Variants in TMEM26 observed in about 807,000 individuals in gnomAD.
TMEM26 encodes transmembrane protein 26.
In TMEM26, 38 loss-of-function variants were observed where a neutral mutation model predicts 28.8. That is an observed-to-expected ratio of 1.32 (90% CI 1.02 to 1.73). The LOEUF is 1.73. TMEM26 is among the 40% of genes most tolerant of loss of function. The pLI, the probability that TMEM26 is intolerant of heterozygous loss-of-function variation, is 0.00. For synonymous variants in TMEM26, 227 were observed against 182.9 expected, an observed-to-expected ratio of 1.24 and a Z score of -1.95; for missense variants, 518 against 447.1, an observed-to-expected ratio of 1.16 and a Z score of -1.43.
rs185882745 is a variant in TMEM26, at chr10:61,410,631, G to T, written c.798C>A (p.Gly266=). 1 of 1,614,104 alleles carries T rather than the reference G, an allele frequency of 6.2e-7. No homozygotes were observed. The highest frequency in any genetic ancestry group is 1.1e-5 in the South Asian group (1 of 91,080). Residue 266 remains glycine, a synonymous_variant, in exon 6 of 6, where the codon GGC becomes GGA. Coordinates refer to ENST00000399298, the MANE Select transcript of TMEM26 (RefSeq NM_178505.8). ...NIGISVFIQD[G]PFLVVRLILM... is the part of the protein sequence containing the mutation. The stretch of plus-strand genomic sequence containing the variant: ...GTATGAGACGCACGACAAGGAAGGG[G>T]CCATCTTGTATGAAGACGCTGATTC...
chr10:61,445,873 G>T (rs1353886481), intron 1 of TMEM26, among the ~76,000 whole-genome samples: 2 of 152,112 alleles, frequency 1.3e-5, no homozygotes, highest in Admixed American at 1.3e-4. Context: ...GATTTGTCCT[G>T]ATGCTGTATG....
chr10:61,451,320 G>A (rs890804014), intron 1 of TMEM26, among the ~76,000 whole-genome samples: 4 of 152,162 alleles, frequency 2.6e-5, no homozygotes, highest in African/African-American at 9.7e-5. Context: ...AAGGCCTCTG[G>A]TCTACTCTTG....
chr10:61,433,310 A>C (rs760155589), intron 2 of TMEM26, among the ~76,000 whole-genome samples: 1 of 151,924 alleles, frequency 6.6e-6, no homozygotes, highest in Non-Finnish European at 1.5e-5. Context: ...AAGTGACTTC[A>C]CTCTTAAAAC....
At chr10:61,410,817 C>T (rs1839558325) in intron 5 of TMEM26, 71 bp from the exon 6 acceptor site, 7 of 1,463,658 alleles carry the variant, frequency 4.8e-6, no homozygotes, top group African/African-American at 1.4e-5. Context: ...GCCATGGGGA[C>T]GAGTCATTAA....
chr10:61,439,695 G>T (rs187455497), intron 1 of TMEM26, among the ~76,000 whole-genome samples: 1 of 152,248 alleles, frequency 6.6e-6, no homozygotes, highest in African/African-American at 2.4e-5. Flanking sequence ...TCTGTAAAAT[G>T]GGGAAAATAA....
chr10:61,440,737 G>T (rs1011546099), intron 1 of TMEM26, among the ~76,000 whole-genome samples: 3 of 152,086 alleles, frequency 2.0e-5, no homozygotes, highest in African/African-American at 7.2e-5. Flanking sequence ...ATGTGCATAT[G>T]TATATGTGTG....
rs1840323469 is a variant in TMEM26 at position 61,453,203 on chromosome 10, C to G, written c.-122G>C. ...ACTGAGACCTGCTGCTGCTTGTGGT[C>G]CCTTCTCACCCTCAGCGCCCGATGC... On this transcript the variant is annotated 5_prime_UTR_variant, in exon 1 of 6. Coordinates refer to ENST00000399298, the MANE Select transcript of TMEM26 (RefSeq NM_178505.8). 2.0e-6 allele frequency: 2 copies of G among 997,856 alleles called. No homozygotes were observed. Among genetic ancestry groups the G allele is most frequent in the South Asian group, 3.2e-5 (2 of 62,412 alleles). The allele number at this position is 997,856 out of a possible 1,614,324, so 61.8% of individuals were successfully genotyped here. A position where few individuals can be genotyped will look rare whatever the true frequency, so the allele number is the denominator to read the frequency against.
intron 4 of TMEM26, among the ~76,000 whole-genome samples, chr10:61,417,046 T>C (rs1434956116): frequency 1.3e-5 from 2 of 152,016 alleles, no homozygotes; most frequent in East Asian, 3.9e-4. Context: ...AAATATGAAT[T>C]ATTAGATCAG....
intron 4 of TMEM26, among the ~76,000 whole-genome samples, chr10:61,422,002 G>C: frequency 6.6e-6 from 1 of 152,026 alleles, no homozygotes; most frequent in Non-Finnish European, 1.5e-5. Flanking sequence ...ACATAAGAAA[G>C]CTGGAGTGCC....
At chr10:61,429,231 A>C in intron 3 of TMEM26, 85 bp from the exon 4 acceptor site, 2 of 1,193,056 alleles carry the variant, frequency 1.7e-6, no homozygotes, top group South Asian at 2.7e-5. Flanking sequence ...TTCAATCAAG[A>C]GTTTGCTTTT....
intron 4 of TMEM26, among the ~76,000 whole-genome samples, chr10:61,423,121 A>C (rs1454589027): frequency 6.6e-6 from 1 of 152,200 alleles, no homozygotes; most frequent in Non-Finnish European, 1.5e-5. Context: ...ATTCCTAGAA[A>C]GGAAAATGTA....
intron 2 of TMEM26, among the ~76,000 whole-genome samples, chr10:61,433,099 C>T (rs540660822): frequency 3.3e-5 from 5 of 152,244 alleles, no homozygotes; most frequent in Middle Eastern, 3.4e-3. Context: ...ATTCTTACCA[C>T]TAAAATACTT....
intron 2 of TMEM26, among the ~76,000 whole-genome samples, chr10:61,435,234 T>A (rs1839984347): frequency 6.6e-6 from 1 of 152,124 alleles, no homozygotes. Flanking sequence ...CAGGCTGGAG[T>A]GCAGTGGTAC....
intron 1 of TMEM26, among the ~76,000 whole-genome samples, chr10:61,449,641 G>A (rs370814061): frequency 2.6e-4 from 40 of 152,208 alleles, no homozygotes; most frequent in African/African-American, 9.4e-4. Context: ...TAGTCCAAAG[G>A]AAGTTCATGG....
intron 2 of TMEM26, among the ~76,000 whole-genome samples, chr10:61,435,658 T>A (rs771233432): frequency 6.6e-6 from 1 of 152,226 alleles, no homozygotes; most frequent in Non-Finnish European, 1.5e-5. Flanking sequence ...GTAATCTGCA[T>A]AACCTGCATT....
In TMEM26 at chr10:61,429,096, T is replaced by A. The variant is rs375782533; in HGVS notation, c.435A>T (p.Thr145=). The change falls in exon 4 of 6, where the codon ACA becomes ACT. Residue 145 remains threonine (T), a synonymous_variant. Transcript: ENST00000399298. The part of the protein sequence containing the change: ...NLSTVCEKVW[T]LGLHQTFLLM... Reference sequence around the variant, plus strand: ...ACAGGAATGTCTGATGGAGTCCCAATGTCCAAACTTTCTCACATACTGTAG... The same window carrying A: ...ACAGGAATGTCTGATGGAGTCCCAAAGTCCAAACTTTCTCACATACTGTAG... The A allele has an allele frequency of 2.5e-6, 4 of 1,613,210 alleles. No individual in the cohort carries two copies. The African/African-American group carries it at 5.3e-5, about 22-fold the overall frequency.
chr10:61,451,053 C>A (rs1840270230), intron 1 of TMEM26, among the ~76,000 whole-genome samples: 1 of 152,160 alleles, frequency 6.6e-6, no homozygotes, highest in Non-Finnish European at 1.5e-5. Flanking sequence ...GGTCTGACAG[C>A]AAGTAGGAAA....
rs777636389 is a variant in TMEM26 at position 61,428,966 on chromosome 10, G to A, written c.565C>T (p.Leu189=). 1 of 1,613,140 alleles carries A rather than the reference G, an allele frequency of 6.2e-7. No homozygotes were observed. The highest frequency in any genetic ancestry group is 8.5e-7 in the Non-Finnish European group (1 of 1,179,398). ...LMFVGTAADI[L]EFTSETLEEQ... ...TCTAGGGTCTCACTTGTGAATTCCA[G>A]TATGTCAGCCGCTGTCCCCACAAAC... The change falls in exon 4 of 6, where the codon CTG becomes TTG. Residue 189 remains leucine (L), a synonymous_variant. Transcript: ENST00000399298.
chr10:61,438,413 T>C (rs1840041800), intron 1 of TMEM26, among the ~76,000 whole-genome samples: 1 of 152,172 alleles, frequency 6.6e-6, no homozygotes, highest in Non-Finnish European at 1.5e-5. Flanking sequence ...AGTAGGAATA[T>C]GCATATTTTG....
Sources: allele counts gnomAD v4.1 joint callset (sites outside exome capture counted in the v4.1 genomes callset), GRCh38; gene constraint gnomAD v4.1.1; transcripts MANE v1.5; gene names NCBI Gene and HGNC (gene_info 2026-07-23, HGNC 2026-07-21).